Variants in PGM5 observed in about 807,000 individuals in gnomAD.
PGM5 encodes the protein phosphoglucomutase 5, also known as phosphoglucomutase-like protein 5.
PGM5 carries 23 observed loss-of-function variants against 59.2 expected under a neutral mutation model. The observed-to-expected ratio is 0.39, with a 90% CI of 0.28 to 0.55. PGM5 has a LOEUF of 0.55. Ranked by LOEUF, PGM5 falls within the 20% of genes least tolerant of loss-of-function variation. The probability of loss-of-function intolerance (pLI) is 0.66; values close to 1 mark genes in which losing one functional copy is unlikely to be tolerated. For missense variants in PGM5, 574 were observed against 748.3 expected, an observed-to-expected ratio of 0.77 and a Z score of 2.72; for synonymous variants, 214 against 286.0, an observed-to-expected ratio of 0.75 and a Z score of 2.54.
chr9:68,511,513 A>G (rs1044951661), intron 10 of PGM5, among the ~76,000 whole-genome samples: 4 of 142,236 alleles, frequency 2.8e-5, no homozygotes, highest in Non-Finnish European at 6.1e-5. Flanking sequence ...TGTTCAATAA[A>G]TGTTGATTGT....
chr9:68,530,667 G>A lies in PGM5; in HGVS notation c.*1011G>A, dbSNP rs1300309446. ...AATGAAGTGGAAGCTGGAAGAAAAT[G>A]TAATTGGTGGTACAGCTATGGGCCA... On this transcript the variant is annotated 3_prime_UTR_variant, in exon 11 of 11. Coordinates refer to ENST00000396396, the MANE Select transcript of PGM5 (RefSeq NM_021965.4). 4.6e-5 allele frequency: 7 copies of A among 152,272 alleles called. No individual in the cohort carries two copies. The highest frequency in any genetic ancestry group is 4.6e-4 in the Admixed American group (7 of 15,288). The allele number at this position is 152,272 out of a possible 1,614,324, so 9.4% of individuals were successfully genotyped here.
At chr9:68,485,552 G>A (rs1482230757) in intron 9 of PGM5, among the ~76,000 whole-genome samples, 11 of 151,998 alleles carry the variant, frequency 7.2e-5, no homozygotes, top group East Asian at 5.8e-4. Context: ...CTCCTCCCTC[G>A]CCTTCCACCA....
chr9:68,437,226 C>A lies in PGM5; in HGVS notation c.1044-27867C>A, dbSNP rs1463113734. 2.0e-5 allele frequency among the ~76,000 whole-genome samples: 3 copies of A among 152,118 alleles called. No individual in the cohort carries two copies. The highest frequency in any genetic ancestry group is 7.2e-5 in the African/African-American group (3 of 41,424). Reference sequence around the variant, plus strand: ...ATTCTTGGCAACATAGATTAATGATCATTTTTGAGATTTTTCTCTCTTTTA... The same window carrying A: ...ATTCTTGGCAACATAGATTAATGATAATTTTTGAGATTTTTCTCTCTTTTA... On this transcript the variant is annotated intron_variant, in intron 6 of 10. Transcript: ENST00000396396. The surrounding 1 kb of genome is among the most constrained non-coding windows in gnomAD (Gnocchi z 4.1).
intron 7 of PGM5, among the ~76,000 whole-genome samples, chr9:68,467,590 C>G (rs1381945963): frequency 2.6e-5 from 4 of 152,294 alleles, no homozygotes; most frequent in South Asian, 2.1e-4. Flanking sequence ...TCCCCCTCCC[C>G]ATTAACAGTT....
At position 68,483,895 on chromosome 9, in the gene PGM5, G is replaced by T. The variant is rs781820403; in HGVS notation, c.1326G>T (p.Thr442=). The change falls in exon 9 of 11, where the codon ACG becomes ACT. Residue 442 remains threonine (T), a synonymous_variant. Transcript: ENST00000396396. ...RFDYEGLDPK[T]TYYIMRDLEA... is the part of the protein sequence containing the mutation. The stretch of plus-strand genomic sequence containing the variant: ...ACTATGAGGGGTTGGATCCCAAGAC[G>T]ACATATTATATCATGAGGGACCTGG... 2 of 1,614,020 alleles carry T rather than the reference G, an allele frequency of 1.2e-6. No individual in the cohort carries two copies. The highest frequency in any genetic ancestry group is 1.3e-5 in the African/African-American group (1 of 74,916).
intron 10 of PGM5, among the ~76,000 whole-genome samples, chr9:68,511,531 G>A (rs1316869000): frequency 1.2e-5 from 1 of 80,524 alleles, no homozygotes; most frequent in Admixed American, 1.4e-4. Flanking sequence ...TGTCACTAAT[G>A]TTATTGTTTT....
chr9:68,393,533 G>A (rs1246769096), intron 6 of PGM5, among the ~76,000 whole-genome samples: 6 of 151,956 alleles, frequency 3.9e-5, no homozygotes, highest in Non-Finnish European at 8.8e-5. Context: ...ATCACTTGAG[G>A]CCAGGAATTC....
At position 68,426,260 on chromosome 9, in the gene PGM5, T is replaced by TA. The variant is rs34604791; in HGVS notation, c.1043+33801dup. 1.2e-3 allele frequency among the ~76,000 whole-genome samples: 181 copies of TA among 146,920 alleles called. 1 individual carries two copies. Among genetic ancestry groups the TA allele is most frequent in the East Asian group, 6.1e-3 (31 of 5,048 alleles). ...CCTAAATCCCAATTCCTCATGTATT[T>TA]AAAAAAAAAAAAAAGAGGATGTCAC... is the stretch of plus-strand genomic sequence containing the variant. On this transcript the variant is annotated intron_variant, in intron 6 of 10. Coordinates refer to ENST00000396396, the MANE Select transcript of PGM5 (RefSeq NM_021965.4).
At chr9:68,473,048 A>T (rs1554686370) in intron 7 of PGM5, among the ~76,000 whole-genome samples, 1 of 152,136 alleles carries the variant, frequency 6.6e-6, no homozygotes, top group African/African-American at 2.4e-5. Flanking sequence ...GATGTTAAAG[A>T]TCTGAACATA....
In PGM5 at chr9:68,479,573, T is replaced by C. The variant is rs1554686946; in HGVS notation, c.1295+20T>C. 2 of 1,611,586 alleles carry C rather than the reference T, an allele frequency of 1.2e-6. No homozygotes were observed. Among genetic ancestry groups the C allele is most frequent in the African/African-American group, 1.3e-5 (1 of 74,772 alleles). On this transcript the variant is annotated intron_variant, in intron 8 of 10. Transcript: ENST00000396396. ...TTGCAGGTGAGGAGAAGGGGAAGGG[T>C]CTCTGTATGGACCCTGAAGAACTAC... is the stretch of plus-strand genomic sequence containing the variant.
chr9:68,464,577 A>C (rs1397905182), intron 6 of PGM5: 3 of 152,672 alleles, frequency 2.0e-5, no homozygotes, highest in Non-Finnish European at 4.4e-5. Context: ...GCTGTCAGCA[A>C]TCAGCCTTCC....
At chr9:68,357,854 A>C in intron 1 of PGM5, 1 of 215,924 alleles carries the variant, frequency 4.6e-6, no homozygotes, top group Non-Finnish European at 9.3e-6. Flanking sequence ...CCTTTTTGCA[A>C]TAATCTGCCA....
intron 6 of PGM5, among the ~76,000 whole-genome samples, chr9:68,417,678 G>T (rs1434234743): frequency 2.6e-5 from 4 of 152,136 alleles, no homozygotes; most frequent in Non-Finnish European, 5.9e-5. Context: ...ACACAATTCT[G>T]GGGCAACTCC....
chr9:68,481,413 G>A (rs1294084131), intron 8 of PGM5, among the ~76,000 whole-genome samples: 2 of 152,174 alleles, frequency 1.3e-5, no homozygotes, highest in Admixed American at 1.3e-4. Flanking sequence ...TTTCTAACAA[G>A]TACCAAAACC....
At chr9:68,374,137 A>C (rs1411271592) in intron 1 of PGM5, among the ~76,000 whole-genome samples, 1 of 152,286 alleles carries the variant, frequency 6.6e-6, no homozygotes, top group Admixed American at 6.5e-5. Flanking sequence ...CTGCTATCCC[A>C]GTCTGTCACC....
chr9:68,406,571 C>CCA lies in PGM5; in HGVS notation c.1043+14102_1043+14103dup, dbSNP rs1554681144. 6 of 147,916 alleles carry CCA rather than the reference C, an allele frequency of 4.1e-5. No individual in the cohort carries two copies. The South Asian group carries it at 8.6e-4, about 21-fold the overall frequency. The allele number at this position is 147,916 out of a possible 1,614,324, so 9.2% of individuals were successfully genotyped here. On this transcript the variant is annotated intron_variant, in intron 6 of 10. Coordinates refer to ENST00000396396, the MANE Select transcript of PGM5 (RefSeq NM_021965.4). Reference sequence around the variant, plus strand: ...TTAAAGCCCCCACCTCTCGATACTGCCACACTAGGGATGAAGTTTCAACAG... The same window carrying CCA: ...TTAAAGCCCCCACCTCTCGATACTGCCACACACTAGGGATGAAGTTTCAACAG...
At chr9:68,454,294 G>A (rs568411450) in intron 6 of PGM5, among the ~76,000 whole-genome samples, 3 of 152,316 alleles carry the variant, frequency 2.0e-5, no homozygotes, top group East Asian at 3.9e-4. Flanking sequence ...TGGTAGCCCT[G>A]ATGTTACTTG....
intron 1 of PGM5, among the ~76,000 whole-genome samples, chr9:68,368,265 G>A (rs2131979886): frequency 6.6e-6 from 1 of 151,004 alleles, no homozygotes; most frequent in South Asian, 2.1e-4. Flanking sequence ...AACTTGTGCT[G>A]CGTTGGATGG....
chr9:68,391,790 G>A, intron 5 of PGM5, 66 bp downstream of exon 5: 1 of 1,500,290 alleles, frequency 6.7e-7, no homozygotes. Flanking sequence ...CTGGAAAGCA[G>A]AGAATTAATG....
Sources: gnomAD v4.1 joint callset for allele counts (sites outside exome capture counted in the v4.1 genomes callset) on GRCh38, gnomAD v4.1.1 for gene constraint, Gnocchi (gnomAD v3.1) non-coding constraint, MANE v1.5 for transcripts, NCBI Gene and HGNC (gene_info 2026-07-23, HGNC 2026-07-21) for gene names.